SOS1: variants seen among roughly 807,000 people sequenced by gnomAD.
SOS1 encodes SOS Ras/Rac guanine nucleotide exchange factor 1.
Under a neutral mutation model 157.6 loss-of-function variants are expected in SOS1, and 25 were observed. The ratio of observed to expected loss-of-function variants is 0.16; its 90% CI spans 0.12 to 0.22. The LOEUF (loss-of-function observed/expected upper bound fraction) is 0.22. Among genes scored for constraint, SOS1 ranks in the 10% least tolerant of loss-of-function variants. SOS1 has a pLI of 1.00. For missense variants in SOS1, 1,237 were observed against 1,599.1 expected, an observed-to-expected ratio of 0.77 and a Z score of 3.86; for synonymous variants, 528 against 534.0, an observed-to-expected ratio of 0.99 and a Z score of 0.16.
At chr2:39,120,170 G>C (rs1050054960) in intron 1 of SOS1, among the ~76,000 whole-genome samples, 166 bp downstream of exon 1, 9 of 152,104 alleles carry the variant, frequency 5.9e-5, no homozygotes, top group African/African-American at 1.9e-4. Flanking sequence ...TGTCAACACC[G>C]AGAGCCAGCC....
chr2:39,075,728 A>G (rs1259590830), intron 1 of SOS1, among the ~76,000 whole-genome samples: 1 of 152,068 alleles, frequency 6.6e-6, no homozygotes, highest in Non-Finnish European at 1.5e-5. Context: ...TAAAAGATCA[A>G]GAAAAAAGAG....
chr2:39,121,598 A>C (rs1473441905), upstream of SOS1, among the ~76,000 whole-genome samples: 1 of 152,028 alleles, frequency 6.6e-6, no homozygotes, highest in African/African-American at 2.4e-5. Context: ...CCAGAAATGA[A>C]CTCCAGTAAG....
intron 1 of SOS1, among the ~76,000 whole-genome samples, chr2:39,096,759 G>A (rs985897362): frequency 5.3e-5 from 8 of 152,060 alleles, no homozygotes; most frequent in South Asian, 2.1e-4. Flanking sequence ...GGTGGCGGGC[G>A]CCTGTAGTCC....
chr2:39,031,622 T>G (rs1349093135), intron 8 of SOS1, among the ~76,000 whole-genome samples: 3 of 151,866 alleles, frequency 2.0e-5, no homozygotes, highest in Non-Finnish European at 2.9e-5. Flanking sequence ...TCCAGCTACT[T>G]GGGAAGCAGG....
rs377024765 is a variant in SOS1, at chr2:39,097,996, G to A, written c.87+22340C>T. ...ATTAGGAAATGTTTATATCAATACAGCAAAACTAAATTTTAGAAACACTGG... is the reference window on the plus strand; with the variant it reads ...ATTAGGAAATGTTTATATCAATACAACAAAACTAAATTTTAGAAACACTGG... On this transcript the variant is annotated intron_variant, in intron 1 of 22. Coordinates refer to ENST00000402219, the MANE Select transcript of SOS1 (RefSeq NM_005633.4). Among the ~76,000 whole-genome samples, 40 of 152,190 alleles carry A rather than the reference G, an allele frequency of 2.6e-4. No homozygotes were observed. The East Asian group carries it at 5.8e-3, about 22-fold the overall frequency.
intron 10 of SOS1, 104 bp downstream of exon 10, chr2:39,022,466 G>C: frequency 1.2e-6 from 1 of 857,362 alleles, no homozygotes. Context: ...AGAGGTCTTT[G>C]GTTGTTAGTT....
intron 1 of SOS1, among the ~76,000 whole-genome samples, chr2:39,109,687 G>A (rs374399950): frequency 7.6e-4 from 116 of 152,312 alleles, no homozygotes; most frequent in African/African-American, 2.8e-3. Context: ...ATCTTGTGCA[G>A]TTTGTCCTCA....
In SOS1 at chr2:38,984,332, GA is replaced by G. The variant is rs567060914; in HGVS notation, c.*1491del. On this transcript the variant is annotated 3_prime_UTR_variant, in exon 23 of 23. Transcript: ENST00000402219. ...TCAGTCACAGTATTTGTTAGACTCA[GA>G]AGAACAGTACATACGCTTTATGAAT... is the stretch of plus-strand genomic sequence containing the variant. The G allele has an allele frequency of 3.3e-5, 5 of 152,268 alleles. No individual in the cohort carries two copies. The South Asian group carries it at 8.3e-4, about 25-fold the overall frequency. The allele number at this position is 152,268 out of a possible 1,614,324, so 9.4% of individuals were successfully genotyped here. A position where few individuals can be genotyped will look rare whatever the true frequency, so the allele number is the denominator to read the frequency against.
chr2:39,058,018 T>C (rs1329471579), intron 3 of SOS1, among the ~76,000 whole-genome samples: 1 of 152,112 alleles, frequency 6.6e-6, no homozygotes, highest in African/African-American at 2.4e-5. Context: ...AGACAATGTA[T>C]ACAAGTATTA....
chr2:39,010,238 C>T (rs1322334959), intron 15 of SOS1, among the ~76,000 whole-genome samples: 1 of 151,734 alleles, frequency 6.6e-6, no homozygotes, highest in Non-Finnish European at 1.5e-5. Flanking sequence ...ATTGCTTGAA[C>T]CCGGAAGGTG....
chr2:38,989,252 T>G lies in SOS1; in HGVS notation c.3391+18A>C. On this transcript the variant is annotated intron_variant, in intron 21 of 22. Coordinates refer to ENST00000402219, the MANE Select transcript of SOS1 (RefSeq NM_005633.4). ...AAGCCAAAGCAAGAATTATGAGTCT[T>G]AAACCAAATATACTAACTTGGGCCA... 1 of 1,565,196 alleles carries G rather than the reference T, an allele frequency of 6.4e-7. No individual in the cohort carries two copies. Among genetic ancestry groups the G allele is most frequent in the Non-Finnish European group, 8.8e-7 (1 of 1,135,894 alleles).
intron 17 of SOS1, among the ~76,000 whole-genome samples, chr2:39,004,099 G>A (rs757816537): frequency 2.0e-5 from 3 of 152,150 alleles, no homozygotes; most frequent in Non-Finnish European, 4.4e-5. Flanking sequence ...TAGGAAGTCA[G>A]TGAGATACAA....
chr2:39,084,890 CTGA>C (rs2148177027), intron 1 of SOS1, among the ~76,000 whole-genome samples: 1 of 152,244 alleles, frequency 6.6e-6, no homozygotes, highest in East Asian at 1.9e-4. Flanking sequence ...AAAAGAGTCT[CTGA>C]TGATTTTTTA....
In SOS1 at chr2:39,022,974, T is replaced by C. The variant is rs140671910; in HGVS notation, c.1454A>G (p.Asn485Ser). 3.1e-6 allele frequency: 5 copies of C among 1,613,856 alleles called. No homozygotes were observed. Among genetic ancestry groups the C allele is most frequent in the South Asian group, 1.1e-5 (1 of 91,068 alleles). Residue 485 changes from asparagine (N) to serine (S), a missense_variant, in exon 10 of 23, where the codon AAT (asparagine) becomes AGT (serine). Asn to Ser is a conservative substitution (Grantham distance 46). This residue lies in a region of SOS1 where 210 missense variants were observed against 220.2 expected (regional missense o/e 0.95). Transcript: ENST00000402219. ...HGQPRLPGAS[N>S]AEYRLKEKFF... The stretch of plus-strand genomic sequence containing the variant: ...CTTTTCTTTAAGACGATATTCTGCA[T>C]TGCTAGCACCAGGAAGTCTTGGCTG...
intron 20 of SOS1, chr2:38,992,303 T>C (rs1245107648): frequency 6.6e-6 from 1 of 152,236 alleles, no homozygotes; most frequent in Non-Finnish European, 1.5e-5. Flanking sequence ...ACTGGTTTAT[T>C]TGATTTCAAA....
At chr2:38,992,923 T>C (rs1021299721) in intron 20 of SOS1, 1 of 152,082 alleles carries the variant, frequency 6.6e-6, no homozygotes, top group African/African-American at 2.4e-5. Context: ...CAAAAATATC[T>C]GACAGCTTAC....
At chr2:39,075,520 A>G (rs1437856407) in intron 1 of SOS1, among the ~76,000 whole-genome samples, 2 of 151,990 alleles carry the variant, frequency 1.3e-5, no homozygotes, top group African/African-American at 2.4e-5. Context: ...AACAAACTTG[A>G]AAGTCACGTG....
intron 11 of SOS1, among the ~76,000 whole-genome samples, chr2:39,014,230 TAAA>T (rs905167600): frequency 2.0e-5 from 3 of 151,948 alleles, no homozygotes; most frequent in Non-Finnish European, 4.4e-5. Flanking sequence ...ACAAACAAAA[TAAA>T]GAATACATGC....
At chr2:39,070,426 G>A (rs924792845) in intron 1 of SOS1, among the ~76,000 whole-genome samples, 2 of 152,018 alleles carry the variant, frequency 1.3e-5, no homozygotes, top group African/African-American at 2.4e-5. Context: ...TGTCCTTGTA[G>A]AGTTCCATAT....
Sources: allele counts gnomAD v4.1 joint callset (sites outside exome capture counted in the v4.1 genomes callset), GRCh38; gene constraint gnomAD v4.1.1; regional missense constraint gnomAD v4.1.1; transcripts MANE v1.5; gene names NCBI Gene and HGNC (gene_info 2026-07-23, HGNC 2026-07-21).